Variants in SHISA6 observed in about 807,000 individuals in gnomAD.
SHISA6 encodes protein shisa-6.
In SHISA6, 22 loss-of-function variants were observed where a neutral mutation model predicts 47.9. The ratio of observed to expected loss-of-function variants is 0.46; its 90% CI spans 0.33 to 0.66. SHISA6 has a LOEUF of 0.66. SHISA6 is among the 30% of genes least tolerant of loss of function. SHISA6 has a pLI of 0.02. For synonymous variants in SHISA6, 388 were observed against 337.8 expected, an observed-to-expected ratio of 1.15 and a Z score of -1.63; for missense variants, 680 against 764.6, an observed-to-expected ratio of 0.89 and a Z score of 1.30.
chr17:11,404,982 T>C (rs1913901178), intron 3 of SHISA6, among the ~76,000 whole-genome samples: 1 of 152,178 alleles, frequency 6.6e-6, no homozygotes, highest in Admixed American at 6.5e-5. Context: ...AGAGCAATCT[T>C]ACCCAAAATC....
chr17:11,478,119 G>T (rs1916103282), intron 3 of SHISA6, among the ~76,000 whole-genome samples: 1 of 59,172 alleles, frequency 1.7e-5, no homozygotes, highest in South Asian at 6.7e-4. Context: ...ATTCTAACTG[G>T]TGTGAGATGG....
chr17:11,395,343 G>T (rs1192429634), intron 3 of SHISA6, among the ~76,000 whole-genome samples: 2 of 151,824 alleles, frequency 1.3e-5, no homozygotes, highest in African/African-American at 4.8e-5. Flanking sequence ...CTGTAAATGA[G>T]GTTTCTCTGC....
At chr17:11,524,302 A>T (rs1597567969) in intron 3 of SHISA6, among the ~76,000 whole-genome samples, 1 of 152,098 alleles carries the variant, frequency 6.6e-6, no homozygotes, top group South Asian at 2.1e-4. Context: ...CTAGAAAGAC[A>T]AGTTGCTTTT....
At chr17:11,458,832 G>T (rs1421733437) in intron 3 of SHISA6, among the ~76,000 whole-genome samples, 4 of 152,176 alleles carry the variant, frequency 2.6e-5, no homozygotes, top group African/African-American at 9.7e-5. Context: ...GGGTCCCGAT[G>T]TCTCACTTGA....
intron 2 of SHISA6, among the ~76,000 whole-genome samples, chr17:11,285,812 T>A (rs1909274831): frequency 6.6e-6 from 1 of 150,810 alleles, no homozygotes; most frequent in African/African-American, 2.4e-5. Context: ...GTGCTGGTGG[T>A]GTGGCTCTGT....
intron 2 of SHISA6, among the ~76,000 whole-genome samples, chr17:11,344,867 G>A (rs898476318): frequency 2.0e-5 from 3 of 151,888 alleles, no homozygotes; most frequent in Non-Finnish European, 4.4e-5. Flanking sequence ...TCTATAGAAC[G>A]CTAGAAATTA....
At chr17:11,412,541 TCTTC>T (rs778699828) in intron 3 of SHISA6, among the ~76,000 whole-genome samples, 1 of 134,186 alleles carries the variant, frequency 7.5e-6, no homozygotes, top group Admixed American at 7.3e-5. Flanking sequence ...CACTTAGACT[TCTTC>T]TTTTTTTTTT....
chr17:11,532,481 G>A lies in SHISA6; in HGVS notation c.896-19415G>A, dbSNP rs1032372830. 5.9e-5 allele frequency among the ~76,000 whole-genome samples: 9 copies of A among 152,098 alleles called. No individual in the cohort carries two copies. The South Asian group carries it at 6.2e-4, about 11-fold the overall frequency. On this transcript the variant is annotated intron_variant, in intron 3 of 5. Coordinates refer to ENST00000441885, the MANE Select transcript of SHISA6 (RefSeq NM_207386.4). ...GGAGAAAGCAAAATAGGCTGTGCGCGCGCGTGTGTGTGTGTGCGCGCACGC... is the reference window on the plus strand; with the variant it reads ...GGAGAAAGCAAAATAGGCTGTGCGCACGCGTGTGTGTGTGTGCGCGCACGC...
chr17:11,440,868 A>T (rs16944734), intron 3 of SHISA6, among the ~76,000 whole-genome samples: 11,934 of 151,884 alleles, frequency 0.079, 566 homozygotes, highest in Admixed American at 0.11. Context: ...CTCTTCTTAC[A>T]GTTCCATTGA....
At chr17:11,278,374 G>A (rs774550127) in intron 2 of SHISA6, among the ~76,000 whole-genome samples, 10 of 152,190 alleles carry the variant, frequency 6.6e-5, no homozygotes, top group East Asian at 1.9e-4. Context: ...CAGAGGCTGC[G>A]TCCTATTCAT....
At chr17:11,513,575 A>G (rs1462206777) in intron 3 of SHISA6, among the ~76,000 whole-genome samples, 2 of 152,186 alleles carry the variant, frequency 1.3e-5, no homozygotes, top group Non-Finnish European at 2.9e-5. Flanking sequence ...ATCCTTTCCC[A>G]TCTTCCACGG....
chr17:11,399,507 C>G (rs111440903), intron 3 of SHISA6, among the ~76,000 whole-genome samples: 1,615 of 152,206 alleles, frequency 0.011, 21 homozygotes, highest in African/African-American at 0.037. Context: ...CTGCAACCTC[C>G]GCCTCCTGGG....
At chr17:11,430,318 G>C (rs1198874512) in intron 3 of SHISA6, among the ~76,000 whole-genome samples, 1 of 152,134 alleles carries the variant, frequency 6.6e-6, no homozygotes, top group African/African-American at 2.4e-5. Context: ...TGTGTTGTGA[G>C]TAGAATTGAA....
At chr17:11,278,068 C>A (rs1355042989) in intron 2 of SHISA6, among the ~76,000 whole-genome samples, 1 of 152,136 alleles carries the variant, frequency 6.6e-6, no homozygotes, top group African/African-American at 2.4e-5. Context: ...AATGCTTCTA[C>A]CACAAACCGT....
At chr17:11,383,183 CCA>C in intron 3 of SHISA6, among the ~76,000 whole-genome samples, 1 of 152,002 alleles carries the variant, frequency 6.6e-6, no homozygotes, top group East Asian at 1.9e-4. Context: ...GGTGATCTGC[CCA>C]TCTCAGCCTC....
chr17:11,402,918 T>C (rs1913827130), intron 3 of SHISA6, among the ~76,000 whole-genome samples: 1 of 152,194 alleles, frequency 6.6e-6, no homozygotes, highest in African/African-American at 2.4e-5. Flanking sequence ...GCGATGGTAA[T>C]TGCACACTGT....
chr17:11,339,487 C>T (rs866692463), intron 2 of SHISA6, among the ~76,000 whole-genome samples: 49 of 152,136 alleles, frequency 3.2e-4, no homozygotes, highest in African/African-American at 1.2e-3. Flanking sequence ...GTTTCATTTG[C>T]ATATAGAATA....
At position 11,407,444 on chromosome 17, in the gene SHISA6, C is replaced by T. The variant is rs1913996637; in HGVS notation, c.895+27935C>T. On this transcript the variant is annotated intron_variant, in intron 3 of 5. Transcript: ENST00000441885. ...CGACCCCGGAAGCAGAATGGACCAT[C>T]AGGGTTCTCTATCTTATTGAAGTAG... Among the ~76,000 whole-genome samples, 4 of 152,040 alleles carry T rather than the reference C, an allele frequency of 2.6e-5. No individual in the cohort carries two copies. In the South Asian group the frequency reaches 8.3e-4, roughly 32 times the overall value.
intron 1 of SHISA6, among the ~76,000 whole-genome samples, chr17:11,253,687 C>T (rs762693301): frequency 6.6e-6 from 1 of 152,148 alleles, no homozygotes; most frequent in African/African-American, 2.4e-5. Context: ...ATCTCCTTTG[C>T]AATTCCCTCT....
Sources: gnomAD v4.1 joint callset for allele counts (sites outside exome capture counted in the v4.1 genomes callset) on GRCh38, gnomAD v4.1.1 for gene constraint, MANE v1.5 for transcripts, NCBI Gene and HGNC (gene_info 2026-07-23, HGNC 2026-07-21) for gene names.